DLGAP2: variants seen among roughly 807,000 people sequenced by gnomAD.
DLGAP2 encodes DLG associated protein 2.
A neutral mutation model predicts 100.3 loss-of-function variants in DLGAP2; 26 were observed. The observed-to-expected ratio is 0.26, with a 90% CI of 0.19 to 0.36. DLGAP2 has a LOEUF of 0.36. Among genes scored for constraint, DLGAP2 ranks in the 10% least tolerant of loss-of-function variants. The pLI is 1.00. For missense variants in DLGAP2, 1,858 were observed against 1,453.2 expected, an observed-to-expected ratio of 1.28 and a Z score of -4.53; for synonymous variants, 886 against 630.1, an observed-to-expected ratio of 1.41 and a Z score of -6.08.
chr8:1,392,647 C>T (rs1231867736), intron 3 of DLGAP2, among the ~76,000 whole-genome samples: 3 of 152,136 alleles, frequency 2.0e-5, no homozygotes, highest in South Asian at 2.1e-4. Flanking sequence ...GTGGGGAGTC[C>T]CGTGGGCCTG....
intron 2 of DLGAP2, among the ~76,000 whole-genome samples, chr8:1,122,845 G>T (rs1585081345): frequency 1.3e-5 from 2 of 151,282 alleles, no homozygotes; most frequent in African/African-American, 4.9e-5. Flanking sequence ...CTGACCAGTA[G>T]CTCCCCTCGT....
intron 2 of DLGAP2, among the ~76,000 whole-genome samples, chr8:982,797 G>A (rs902663775): frequency 1.3e-5 from 2 of 151,272 alleles, no homozygotes; most frequent in African/African-American, 2.4e-5. Context: ...CTAGTCCACA[G>A]TTGGTCCGTT....
intron 1 of DLGAP2, among the ~76,000 whole-genome samples, chr8:796,818 G>A (rs1482309979): frequency 6.6e-6 from 1 of 152,144 alleles, no homozygotes; most frequent in Admixed American, 6.5e-5. Flanking sequence ...ATGACAGCCA[G>A]GTGGCTTCTG....
At chr8:1,370,396 TCTCA>T (rs1802209315) in intron 3 of DLGAP2, among the ~76,000 whole-genome samples, 1 of 152,162 alleles carries the variant, frequency 6.6e-6, no homozygotes, top group Admixed American at 6.5e-5. Flanking sequence ...CTCCAGGACT[TCTCA>T]CTGTTTATCT....
intron 3 of DLGAP2, among the ~76,000 whole-genome samples, chr8:1,382,629 C>G (rs1157803786): frequency 6.6e-6 from 1 of 152,084 alleles, no homozygotes; most frequent in Non-Finnish European, 1.5e-5. Flanking sequence ...GCAGTCCCAG[C>G]TACTTTGCAG....
intron 2 of DLGAP2, among the ~76,000 whole-genome samples, chr8:1,158,043 A>G (rs1243734976): frequency 6.6e-6 from 1 of 152,222 alleles, no homozygotes; most frequent in African/African-American, 2.4e-5. Flanking sequence ...GGCCCACCCT[A>G]GCTTATGGCA....
intron 3 of DLGAP2, among the ~76,000 whole-genome samples, chr8:1,329,297 A>G (rs1467548548): frequency 6.6e-6 from 1 of 152,242 alleles, no homozygotes; most frequent in Non-Finnish European, 1.5e-5. Flanking sequence ...GCACAAGTGC[A>G]CCAGAGAGTG....
At chr8:1,209,869 A>G (rs973708899) in intron 2 of DLGAP2, among the ~76,000 whole-genome samples, 2 of 152,186 alleles carry the variant, frequency 1.3e-5, no homozygotes, top group Non-Finnish European at 2.9e-5. Flanking sequence ...ACGCCCAGGC[A>G]TGTCCTACCC....
At chr8:1,280,123 A>G (rs1445957258) in intron 3 of DLGAP2, among the ~76,000 whole-genome samples, 1 of 152,180 alleles carries the variant, frequency 6.6e-6, no homozygotes, top group African/African-American at 2.4e-5. Context: ...TGATCCCCAG[A>G]TGTGGCTTCA....
intron 2 of DLGAP2, among the ~76,000 whole-genome samples, chr8:1,098,236 T>G (rs1297589998): frequency 6.6e-6 from 1 of 152,234 alleles, no homozygotes; most frequent in African/African-American, 2.4e-5. Context: ...GCACACCAGT[T>G]TGTTTCCAAA....
At chr8:818,322 C>T (rs1054813917) in intron 1 of DLGAP2, among the ~76,000 whole-genome samples, 1 of 152,186 alleles carries the variant, frequency 6.6e-6, no homozygotes, top group Admixed American at 6.5e-5. Context: ...CCCACGCAGC[C>T]CGCTGTCCTA....
At chr8:1,382,962 A>G (rs1796130658) in intron 3 of DLGAP2, among the ~76,000 whole-genome samples, 2 of 152,146 alleles carry the variant, frequency 1.3e-5, no homozygotes, top group Admixed American at 6.5e-5. Flanking sequence ...AATCAATGAG[A>G]AATTATACTT....
intron 2 of DLGAP2, among the ~76,000 whole-genome samples, chr8:994,556 G>C (rs1297906519): frequency 1.3e-5 from 2 of 152,172 alleles, no homozygotes. Flanking sequence ...AGATCCTCAA[G>C]AACAGTGCTC....
intron 14 of DLGAP2, among the ~76,000 whole-genome samples, chr8:1,700,559 A>T (rs1252947773): frequency 6.6e-6 from 1 of 152,238 alleles, no homozygotes; most frequent in Non-Finnish European, 1.5e-5. Flanking sequence ...GCATACACGT[A>T]TTTTAGCGTG....
intron 3 of DLGAP2, chr8:1,380,409 C>T (rs2129760429): frequency 6.6e-6 from 1 of 152,268 alleles, no homozygotes; most frequent in South Asian, 2.1e-4. Flanking sequence ...GCATTTCAGT[C>T]ACCATTGAGT....
intron 2 of DLGAP2, among the ~76,000 whole-genome samples, chr8:1,212,595 G>C (rs1409514864): frequency 6.6e-6 from 1 of 152,100 alleles, no homozygotes; most frequent in African/African-American, 2.4e-5. Flanking sequence ...TCTAGAATGA[G>C]GAGGCAGACG....
intron 1 of DLGAP2, among the ~76,000 whole-genome samples, chr8:790,599 C>G (rs751585174): frequency 3.3e-5 from 5 of 152,098 alleles, no homozygotes; most frequent in African/African-American, 1.2e-4. Flanking sequence ...TCTGAATGGA[C>G]TTTGTATTTC....
intron 3 of DLGAP2, among the ~76,000 whole-genome samples, chr8:1,456,414 G>T (rs1254107381): frequency 1.3e-5 from 2 of 152,118 alleles, no homozygotes; most frequent in African/African-American, 2.4e-5. Flanking sequence ...CATTTTCAAG[G>T]CAATCACATA....
chr8:935,273 T>A (rs899541433), intron 2 of DLGAP2, among the ~76,000 whole-genome samples: 1 of 152,212 alleles, frequency 6.6e-6, no homozygotes, highest in African/African-American at 2.4e-5. Context: ...AAGCTGTGTG[T>A]GGGAGTCCTC....
Sources: gnomAD v4.1 joint callset for allele counts (sites outside exome capture counted in the v4.1 genomes callset) on GRCh38, gnomAD v4.1.1 for gene constraint, MANE v1.5 for transcripts, NCBI Gene and HGNC (gene_info 2026-07-23, HGNC 2026-07-21) for gene names.